WDR3: variants seen among roughly 807,000 people sequenced by gnomAD.
The protein encoded by WDR3 is WD repeat-containing protein 3.
A neutral mutation model predicts 123.7 loss-of-function variants in WDR3; 81 were observed. That is an observed-to-expected ratio of 0.65 (90% CI 0.55 to 0.79). WDR3 has a LOEUF of 0.79. WDR3 is among the 30% of genes least tolerant of loss of function. The pLI is 0.00. For synonymous variants in WDR3, 390 were observed against 388.8 expected (o/e 1.00, Z -0.04); for missense variants, 1,027 against 1,123.2 (o/e 0.91, Z 1.22).
chr1:117,948,530 C>G lies in WDR3; in HGVS notation c.1524+24C>G, dbSNP rs747022973. ...AGGTAACTAAACCAGATTTTAAAGC[C>G]CTGGAGTTCAGCCCTGTGGCTACCC... On this transcript the variant is annotated intron_variant, in intron 13 of 26. Transcript: ENST00000349139. The G allele has an allele frequency of 1.9e-6, 3 of 1,595,328 alleles. No homozygotes were observed. In the East Asian group the frequency reaches 6.7e-5, roughly 36 times the overall value.
Position 117,934,605 on chromosome 1 carries a change from A to G in WDR3, c.304A>G (p.Thr102Ala), listed in dbSNP as rs771800625. The G allele has an allele frequency of 6.2e-6, 10 of 1,613,992 alleles. No homozygotes were observed. In the East Asian group the frequency reaches 2.0e-4, roughly 32 times the overall value. ...TCTCCTGAGTGGGGAAGGAAATGTG[A>G]CCTTCAATGGTCACAAAGCAGCTAT... ...FSLLSGEGNV[T>A]FNGHKAAITT... is the part of the protein sequence containing the mutation. The change falls in exon 3 of 27, where the codon ACC (threonine) becomes GCC (alanine). Residue 102 changes from threonine to alanine, a missense_variant. Thr to Ala is a moderately conservative substitution (Grantham distance 58). Transcript: ENST00000349139.
intron 5 of WDR3, among the ~76,000 whole-genome samples, 169 bp downstream of exon 5, chr1:117,938,727 G>T (rs571270062): frequency 6.6e-6 from 1 of 152,310 alleles, no homozygotes; most frequent in African/African-American, 2.4e-5. Flanking sequence ...CCAGCCATTG[G>T]AGCAGATACT....
chr1:117,933,438 C>T lies in WDR3; in HGVS notation c.119C>T (p.Ala40Val), dbSNP rs1650805806. ...TLRGEKGRYV[A>V]VPACEHVFIW... ...CGTGGTGAGAAAGGACGTTATGTGGCAGTACCAGCTTGTGAACACGTTTTC... is the reference window on the plus strand; with the variant it reads ...CGTGGTGAGAAAGGACGTTATGTGGTAGTACCAGCTTGTGAACACGTTTTC... The change falls in exon 2 of 27, where the codon GCA (alanine) becomes GTA (valine). Residue 40 changes from alanine (A) to valine (V), a missense_variant. Ala to Val is a moderately conservative substitution (Grantham distance 64). Transcript: ENST00000349139. The T allele has an allele frequency of 6.2e-7, 1 of 1,614,042 alleles. No homozygotes were observed. The highest frequency in any genetic ancestry group is 1.7e-5 in the Admixed American group (1 of 59,996).
chr1:117,958,064 C>G (rs1400236074), intron 25 of WDR3, among the ~76,000 whole-genome samples: 1 of 152,206 alleles, frequency 6.6e-6, no homozygotes, highest in Admixed American at 6.5e-5. Context: ...CAAGCGGTTA[C>G]AGCAGAGAAC....
In WDR3 at chr1:117,960,126, G is replaced by GTGTT. The variant is rs1266813480; in HGVS notation, c.*682_*683insTTGT. On this transcript the variant is annotated 3_prime_UTR_variant, in exon 27 of 27. Coordinates refer to ENST00000349139, the MANE Select transcript of WDR3 (RefSeq NM_006784.3). ...AATACACTCGTGTGTGTGTGTGTGT[G>GTGTT]TGTGTGTGTGTGTGTGTGTGTATGT... 6.8e-6 allele frequency: 1 copy of GTGTT among 147,386 alleles called. No homozygotes were observed. The highest frequency in any genetic ancestry group is 1.5e-5 in the Non-Finnish European group (1 of 68,008). The allele number at this position is 147,386 out of a possible 1,614,324, so 9.1% of individuals were successfully genotyped here.
At chr1:117,950,784 T>C in intron 15 of WDR3, 50 bp from the exon 16 acceptor site, 1 of 1,443,588 alleles carries the variant, frequency 6.9e-7, no homozygotes, top group Admixed American at 1.8e-5. Flanking sequence ...TGTAATAAAT[T>C]ATACCCATAT....
intron 3 of WDR3, among the ~76,000 whole-genome samples, chr1:117,936,018 A>C (rs959307307): frequency 1.3e-5 from 2 of 152,060 alleles, no homozygotes; most frequent in East Asian, 1.9e-4. Flanking sequence ...ACCATAAAGC[A>C]TGTAAAATAT....
Position 117,943,542 on chromosome 1 carries a change from G to A in WDR3, c.1244G>A (p.Arg415His), listed in dbSNP as rs138214784. Residue 415 changes from arginine to histidine, a missense_variant, in exon 11 of 27, where the codon CGC (arginine) becomes CAC (histidine). Transcript: ENST00000349139. ...RTSRITIGGHRSDVRTLSFSS... is the reference protein window; with the variant it reads ...RTSRITIGGHHSDVRTLSFSS... ...AGCAGAATCACTATTGGGGGTCATC[G>A]CAGTGATGTGCGGACTTTGTCATTC... 15 of 1,613,984 alleles carry A rather than the reference G, an allele frequency of 9.3e-6. No homozygotes were observed. Among genetic ancestry groups the A allele is most frequent in the Middle Eastern group, 1.6e-4 (1 of 6,084 alleles).
chr1:117,940,678 T>TGATC, intron 6 of WDR3, 149 bp from the exon 7 acceptor site: 2 of 675,950 alleles, frequency 3.0e-6, no homozygotes, highest in Non-Finnish European at 5.1e-6. Context: ...CAGTGAGATG[T>TGATC]GATCATGCCA....
At chr1:117,932,229 G>C (rs79215424) in intron 1 of WDR3, among the ~76,000 whole-genome samples, 2,034 of 152,308 alleles carry the variant, frequency 0.013, 37 homozygotes, top group South Asian at 0.092. Flanking sequence ...TCCAAAAATA[G>C]TGTGCCAAGT....
chr1:117,941,614 C>A, intron 8 of WDR3, 136 bp from the exon 9 acceptor site: 1 of 1,104,708 alleles, frequency 9.1e-7, no homozygotes, highest in Non-Finnish European at 1.3e-6. Context: ...GATAGCAAAC[C>A]CAGAGAGATT....
intron 12 of WDR3, among the ~76,000 whole-genome samples, chr1:117,947,168 T>C (rs572639917): frequency 3.9e-5 from 6 of 152,214 alleles, no homozygotes; most frequent in African/African-American, 1.4e-4. Context: ...AGATGAAGTA[T>C]ACAAAACTCT....
chr1:117,934,627 C>A lies in WDR3; in HGVS notation c.326C>A (p.Ala109Asp), dbSNP rs1415768564. 4 of 1,613,902 alleles carry A rather than the reference C, an allele frequency of 2.5e-6. No homozygotes were observed. The East Asian group carries it at 8.9e-5, about 36-fold the overall frequency. The change falls in exon 3 of 27, where the codon GCT becomes GAT. Residue 109 changes from alanine (A) to aspartate (D), a missense_variant. Transcript: ENST00000349139. The part of the protein sequence containing the change: ...GNVTFNGHKA[A>D]ITTLKYDQLG... ...GTGACCTTCAATGGTCACAAAGCAG[C>A]TATCACTACCTTGAAGTATGATCAG...
At chr1:117,951,072 T>C (rs1194781533) in intron 16 of WDR3, among the ~76,000 whole-genome samples, 182 bp downstream of exon 16, 1 of 152,028 alleles carries the variant, frequency 6.6e-6, no homozygotes, top group Non-Finnish European at 1.5e-5. Context: ...ACTTTAATGT[T>C]TTCAGAATAA....
chr1:117,950,276 A>C, intron 15 of WDR3, 146 bp downstream of exon 15: 1 of 1,025,380 alleles, frequency 9.8e-7, no homozygotes, highest in Non-Finnish European at 1.4e-6. Flanking sequence ...CAATGTAACT[A>C]TGCTAGGGAA....
At chr1:117,952,460 A>G (rs781393958) in intron 18 of WDR3, 52 bp downstream of exon 18, 16 of 1,599,248 alleles carry the variant, frequency 1.0e-5, no homozygotes, top group South Asian at 1.1e-5. Context: ...ACTTTTAAGA[A>G]TATTTACATT....
rs779814437 is a variant in WDR3, at chr1:117,936,886, A to G, written c.499A>G (p.Ser167Gly). ...ACGAGAAAAGAACCTGCTAGTTACT[A>G]GGTAAAGAAATAATGGTTTAATTTC... Reference protein sequence around the residue: ...FLREKNLLVTSGKDTMVKWWD... With the variant: ...FLREKNLLVTGGKDTMVKWWD... The change falls in exon 4 of 27, where the codon AGT (serine) becomes GGT (glycine). Residue 167 changes from serine (S) to glycine (G), a missense_variant and splice_region_variant. Physicochemically the swap from Ser to Gly is moderately conservative, Grantham distance 56. Transcript: ENST00000349139. 6.2e-7 allele frequency: 1 copy of G among 1,606,186 alleles called. No homozygotes were observed. The highest frequency in any genetic ancestry group is 2.2e-5 in the East Asian group (1 of 44,812).
chr1:117,943,638 G>A lies in WDR3; in HGVS notation c.1328+12G>A. ...AAAATATGGAACAGGTTCGTGAAAT[G>A]ATGTTTTATATAGCTGTAGTTAGTA... On this transcript the variant is annotated intron_variant, in intron 11 of 26. Transcript: ENST00000349139. The A allele has an allele frequency of 6.2e-7, 1 of 1,612,580 alleles. No individual in the cohort carries two copies. The highest frequency in any genetic ancestry group is 8.5e-7 in the Non-Finnish European group (1 of 1,179,022).
intron 5 of WDR3, 86 bp from the exon 6 acceptor site, chr1:117,939,391 C>G: frequency 7.4e-7 from 1 of 1,348,340 alleles, no homozygotes; most frequent in Non-Finnish European, 1.1e-6. Flanking sequence ...CATTTTACTA[C>G]GGTGTAACAG....
Sources: gnomAD v4.1 joint callset for allele counts (sites outside exome capture counted in the v4.1 genomes callset) on GRCh38, gnomAD v4.1.1 for gene constraint, MANE v1.5 for transcripts, NCBI Gene and HGNC (gene_info 2026-07-23, HGNC 2026-07-21) for gene names.